The following IL1RAPL1 variants were observed in gnomAD, a reference collection of about 807,000 sequenced individuals.
IL1RAPL1 encodes the protein interleukin-1 receptor accessory protein-like 1.
Under a neutral mutation model 48.4 loss-of-function variants are expected in IL1RAPL1, and 3 were observed. That is an observed-to-expected ratio of 0.06 (90% CI 0.03 to 0.16). The LOEUF (loss-of-function observed/expected upper bound fraction) is 0.16, where lower values mean the gene tolerates loss of function less well. Among genes scored for constraint, IL1RAPL1 ranks in the 10% least tolerant of loss-of-function variants. The pLI is 1.00. For synonymous variants in IL1RAPL1, 185 were observed against 187.7 expected, an observed-to-expected ratio of 0.99 and a Z score of 0.12; for missense variants, 349 against 530.6, an observed-to-expected ratio of 0.66 and a Z score of 3.36.
At chrX:28,752,230 AT>A (rs1936052344) in intron 1 of IL1RAPL1, among the ~76,000 whole-genome samples, 1 of 111,222 alleles carries the variant, frequency 9.0e-6, no homozygotes, top group African/African-American at 3.3e-5. Context: ...ATTCCAGTTT[AT>A]TTGCGCAACT....
intron 3 of IL1RAPL1, among the ~76,000 whole-genome samples, chrX:29,351,555 C>T (rs939907901): frequency 2.7e-5 from 3 of 112,333 alleles, no homozygotes. Flanking sequence ...CGTTCATTTT[C>T]ATGCCGAAAG....
chrX:29,374,965 C>T (rs964767008), intron 3 of IL1RAPL1, among the ~76,000 whole-genome samples: 1 of 108,780 alleles, frequency 9.2e-6, no homozygotes, highest in Non-Finnish European at 1.9e-5. Context: ...ACTCCACCCT[C>T]TGGCACAGAG....
At chrX:29,266,864 T>G (rs1193116496) in intron 2 of IL1RAPL1, among the ~76,000 whole-genome samples, 7 of 111,756 alleles carry the variant, frequency 6.3e-5, no homozygotes, top group Non-Finnish European at 1.3e-4. Flanking sequence ...ACCTTAAGCC[T>G]TTTGTTTATA....
intron 2 of IL1RAPL1, among the ~76,000 whole-genome samples, chrX:28,892,131 C>G (rs913222304): frequency 9.1e-6 from 1 of 110,449 alleles, no homozygotes; most frequent in Non-Finnish European, 1.9e-5. Context: ...CACTCGCGTC[C>G]GAGTGAAGAG....
chrX:28,609,672 A>T (rs1468272275), intron 1 of IL1RAPL1, among the ~76,000 whole-genome samples: 10 of 102,482 alleles, frequency 9.8e-5, no homozygotes, highest in Non-Finnish European at 1.8e-4. Context: ...CAACATACCT[A>T]CCTCTCTGAT....
chrX:28,727,684 C>T (rs1329539515), intron 1 of IL1RAPL1, among the ~76,000 whole-genome samples: 1 of 105,751 alleles, frequency 9.5e-6, no homozygotes, highest in East Asian at 3.0e-4. Context: ...TCATAGATAG[C>T]TCTTATTATT....
At chrX:29,588,061 A>C (rs764792920) in intron 5 of IL1RAPL1, among the ~76,000 whole-genome samples, 1 of 112,678 alleles carries the variant, frequency 8.9e-6, no homozygotes, top group South Asian at 3.6e-4. Flanking sequence ...ATATTTTTGG[A>C]TTATCTTCAA....
At chrX:29,070,429 G>A (rs761202342) in intron 2 of IL1RAPL1, among the ~76,000 whole-genome samples, 1 of 111,644 alleles carries the variant, frequency 9.0e-6, no homozygotes, top group Admixed American at 9.6e-5. Flanking sequence ...AGAAGTTGGC[G>A]GCACTACAAA....
chrX:29,546,003 A>G (rs1418300081), intron 5 of IL1RAPL1, among the ~76,000 whole-genome samples: 1 of 111,416 alleles, frequency 9.0e-6, no homozygotes, highest in African/African-American at 3.3e-5. Context: ...ATATTTGGCA[A>G]TGTCTGGAGA....
At chrX:29,351,107 C>T (rs2147652802) in intron 3 of IL1RAPL1, among the ~76,000 whole-genome samples, 1 of 111,843 alleles carries the variant, frequency 8.9e-6, no homozygotes, top group South Asian at 3.7e-4. Flanking sequence ...AAGAAACTTA[C>T]ATTTAGGATA....
intron 3 of IL1RAPL1, among the ~76,000 whole-genome samples, chrX:29,350,260 C>CG (rs1372402533): frequency 2.4e-5 from 2 of 84,145 alleles, no homozygotes; most frequent in Admixed American, 1.3e-4. Flanking sequence ...ACACCCCCCC[C>CG]CCCACCTGGC....
intron 1 of IL1RAPL1, among the ~76,000 whole-genome samples, chrX:28,673,841 A>G (rs1934972406): frequency 9.0e-6 from 1 of 111,677 alleles, no homozygotes; most frequent in Non-Finnish European, 1.9e-5. Context: ...GATTGACATC[A>G]CCCTAAGGAT....
At chrX:29,653,980 G>T (rs1925598407) in intron 5 of IL1RAPL1, among the ~76,000 whole-genome samples, 3 of 107,338 alleles carry the variant, frequency 2.8e-5, no homozygotes, top group African/African-American at 1.0e-4. Context: ...TAAAATGTTT[G>T]TTTTCAGTCT....
intron 2 of IL1RAPL1, among the ~76,000 whole-genome samples, chrX:28,873,978 A>G (rs755768395): frequency 1.8e-5 from 2 of 110,103 alleles, no homozygotes; most frequent in East Asian, 5.7e-4. Flanking sequence ...AGTAAAAAAA[A>G]AAAAAAAAAA....
At chrX:29,803,544 T>C (rs938193090) in intron 6 of IL1RAPL1, among the ~76,000 whole-genome samples, 1 of 99,918 alleles carries the variant, frequency 1.0e-5, no homozygotes, top group African/African-American at 3.7e-5. Context: ...TACATATATG[T>C]ATATGTGTGT....
chrX:29,779,761 A>G (rs1929290846), intron 6 of IL1RAPL1, among the ~76,000 whole-genome samples: 1 of 111,958 alleles, frequency 8.9e-6, no homozygotes, highest in Admixed American at 9.5e-5. Flanking sequence ...AAAGTCAGTC[A>G]AAATGAAAGG....
At chrX:29,361,854 G>C (rs774288362) in intron 3 of IL1RAPL1, among the ~76,000 whole-genome samples, 1 of 112,043 alleles carries the variant, frequency 8.9e-6, no homozygotes, top group Non-Finnish European at 1.9e-5. Flanking sequence ...TTCTACAAAC[G>C]TTGCAGTTGC....
At chrX:29,365,080 A>G (rs919292394) in intron 3 of IL1RAPL1, among the ~76,000 whole-genome samples, 4 of 112,281 alleles carry the variant, frequency 3.6e-5, no homozygotes, top group Admixed American at 9.5e-5. Context: ...TATGTTTGCC[A>G]TCATATTTAA....
intron 6 of IL1RAPL1, among the ~76,000 whole-genome samples, chrX:29,722,222 T>C (rs1214535682): frequency 8.9e-6 from 1 of 112,391 alleles, no homozygotes; most frequent in Non-Finnish European, 1.9e-5. Context: ...TTTTGATTCA[T>C]ATAAATGTCT....
Sources: gnomAD v4.1 joint callset for allele counts (sites outside exome capture counted in the v4.1 genomes callset) on GRCh38, gnomAD v4.1.1 for gene constraint, MANE v1.5 for transcripts, NCBI Gene and HGNC (gene_info 2026-07-23, HGNC 2026-07-21) for gene names.